The following PPP2R5E variants were observed in gnomAD, a reference collection of about 807,000 sequenced individuals.
PPP2R5E encodes the protein protein phosphatase 2 regulatory subunit B'epsilon.
Under a neutral mutation model 65.3 loss-of-function variants are expected in PPP2R5E, and 4 were observed. The ratio of observed to expected loss-of-function variants is 0.06; its 90% CI spans 0.03 to 0.14. The LOEUF (loss-of-function observed/expected upper bound fraction) is 0.14, where lower values mean the gene tolerates loss of function less well. Among genes scored for constraint, PPP2R5E ranks in the 10% least tolerant of loss-of-function variants. The pLI, the probability that PPP2R5E is intolerant of heterozygous loss-of-function variation, is 1.00. For synonymous variants in PPP2R5E, 183 were observed against 187.4 expected (o/e 0.98, Z 0.19); for missense variants, 274 against 556.1 (o/e 0.49, Z 5.10).
chr14:63,514,834 T>C (rs948515295), intron 2 of PPP2R5E, among the ~76,000 whole-genome samples: 1 of 152,184 alleles, frequency 6.6e-6, no homozygotes, highest in African/African-American at 2.4e-5. Context: ...ATTTCACATA[T>C]ATCACCTCTA....
intron 3 of PPP2R5E, among the ~76,000 whole-genome samples, chr14:63,435,158 T>C (rs1242950985): frequency 6.6e-6 from 1 of 152,226 alleles, no homozygotes; most frequent in Admixed American, 6.5e-5. Flanking sequence ...GGGTGATGAC[T>C]ATACAAGTAT....
At chr14:63,468,999 T>C (rs139924655) in intron 2 of PPP2R5E, among the ~76,000 whole-genome samples, 1 of 152,348 alleles carries the variant, frequency 6.6e-6, no homozygotes, top group East Asian at 1.9e-4. Context: ...TCAGACTAAG[T>C]CTGGAAGGGA....
rs1188317682 is a variant in PPP2R5E, at chr14:63,373,830, A to G, written c.*2179T>C. 2.1e-4 allele frequency: 32 copies of G among 152,184 alleles called. No homozygotes were observed. Among genetic ancestry groups the G allele is most frequent in the Non-Finnish European group, 4.4e-5 (3 of 68,008 alleles). The allele number at this position is 152,184 out of a possible 1,614,324, so 9.4% of individuals were successfully genotyped here. On this transcript the variant is annotated 3_prime_UTR_variant, in exon 14 of 14. Transcript: ENST00000337537. ...AATGGCAAACAAAAGTTTACACTATATAAACTAAATATAATGCAGAGTTGA... is the reference window on the plus strand; with the variant it reads ...AATGGCAAACAAAAGTTTACACTATGTAAACTAAATATAATGCAGAGTTGA...
rs1342679678 is a variant in PPP2R5E, at chr14:63,453,796, G to C, written c.247C>G (p.Leu83Val). 1.2e-6 allele frequency: 2 copies of C among 1,610,590 alleles called. No individual in the cohort carries two copies. Among genetic ancestry groups the C allele is most frequent in the Non-Finnish European group, 1.7e-6 (2 of 1,178,770 alleles). Residue 83 changes from leucine to valine, a missense_variant, in exon 3 of 14, where the codon CTT (leucine) becomes GTT (valine). Coordinates refer to ENST00000337537, the MANE Select transcript of PPP2R5E (RefSeq NM_006246.5). ...GAGCGCTTGTATTCTTTCATTTTAAGATCAGATAGCGTGTCCATGAAGTCA... is the reference window on the plus strand; with the variant it reads ...GAGCGCTTGTATTCTTTCATTTTAACATCAGATAGCGTGTCCATGAAGTCA... ...IFDFMDTLSD[L>V]KMKEYKRSTL...
intron 12 of PPP2R5E, among the ~76,000 whole-genome samples, chr14:63,383,795 G>A (rs1223757678): frequency 6.6e-6 from 1 of 152,116 alleles, no homozygotes; most frequent in African/African-American, 2.4e-5. Flanking sequence ...TTCCCTTGAT[G>A]ATTTTAAACT....
In PPP2R5E at chr14:63,472,997, G is replaced by A. The variant is rs117779366; in HGVS notation, c.158-19112C>T. On this transcript the variant is annotated intron_variant, in intron 2 of 13. Coordinates refer to ENST00000337537, the MANE Select transcript of PPP2R5E (RefSeq NM_006246.5). ...TATGAAGAGTTATGAGGGCTTATAC[G>A]AAGTTGATGGCCGTGGAAGAATAGA... Among the ~76,000 whole-genome samples, 6 of 152,344 alleles carry A rather than the reference G, an allele frequency of 3.9e-5. No homozygotes were observed. In the East Asian group the frequency reaches 9.6e-4, roughly 24 times the overall value.
intron 10 of PPP2R5E, among the ~76,000 whole-genome samples, chr14:63,391,264 C>T (rs888582430): frequency 6.6e-6 from 1 of 152,174 alleles, no homozygotes; most frequent in African/African-American, 2.4e-5. Context: ...GAGTTCTGGC[C>T]TAATCATCTG....
chr14:63,435,987 T>G (rs1316291989), intron 3 of PPP2R5E, among the ~76,000 whole-genome samples: 1 of 152,190 alleles, frequency 6.6e-6, no homozygotes, highest in Non-Finnish European at 1.5e-5. Flanking sequence ...AACATTGCAA[T>G]AGTCATAGTG....
chr14:63,450,123 G>A (rs551245079), intron 3 of PPP2R5E, among the ~76,000 whole-genome samples: 8 of 152,156 alleles, frequency 5.3e-5, no homozygotes, highest in Admixed American at 1.3e-4. Context: ...TGATCCACGC[G>A]CCTCAGCCTC....
chr14:63,491,676 C>A (rs1475669661), intron 2 of PPP2R5E, among the ~76,000 whole-genome samples: 1 of 151,982 alleles, frequency 6.6e-6, no homozygotes, highest in Non-Finnish European at 1.5e-5. Context: ...GGGAAAACCC[C>A]GTCTCTGCTA....
At chr14:63,396,159 CAG>C (rs955456570) in intron 6 of PPP2R5E, among the ~76,000 whole-genome samples, 3 of 52,370 alleles carry the variant, frequency 5.7e-5, no homozygotes, top group Admixed American at 2.4e-4. Context: ...AGGAGGAGGA[CAG>C]GGGATAGAGG....
At chr14:63,530,169 C>G (rs1366654914) in intron 2 of PPP2R5E, among the ~76,000 whole-genome samples, 1 of 151,548 alleles carries the variant, frequency 6.6e-6, no homozygotes, top group Non-Finnish European at 1.5e-5. Flanking sequence ...TGAAGCCCAT[C>G]CAGATATACA....
intron 2 of PPP2R5E, among the ~76,000 whole-genome samples, chr14:63,522,660 T>G (rs1449056375): frequency 8.8e-6 from 1 of 113,400 alleles, no homozygotes; most frequent in Non-Finnish European, 1.8e-5. Context: ...GAGAGGAGCG[T>G]CTCTGCCCGG....
chr14:63,470,421 T>C (rs759483208), intron 2 of PPP2R5E, among the ~76,000 whole-genome samples: 6 of 151,218 alleles, frequency 4.0e-5, no homozygotes, highest in Non-Finnish European at 8.8e-5. Flanking sequence ...GCACACAGTA[T>C]TCCACAATCA....
At chr14:63,457,459 T>C (rs1889182855) in intron 2 of PPP2R5E, among the ~76,000 whole-genome samples, 1 of 152,018 alleles carries the variant, frequency 6.6e-6, no homozygotes, top group African/African-American at 2.4e-5. Flanking sequence ...GCTACCCACC[T>C]CCAAAATCCA....
intron 2 of PPP2R5E, chr14:63,479,343 C>T (rs940090037): frequency 6.6e-6 from 1 of 152,126 alleles, no homozygotes; most frequent in African/African-American, 2.4e-5. Context: ...TGGAGGCAGA[C>T]ATCACCCCTC....
chr14:63,476,232 C>A (rs1279177024), intron 2 of PPP2R5E, among the ~76,000 whole-genome samples: 1 of 152,072 alleles, frequency 6.6e-6, no homozygotes, highest in Non-Finnish European at 1.5e-5. Flanking sequence ...TGTATTATTT[C>A]TTCTTCTTTT....
chr14:63,538,533 G>A (rs1437219648), intron 2 of PPP2R5E, among the ~76,000 whole-genome samples: 3 of 151,562 alleles, frequency 2.0e-5, no homozygotes, highest in South Asian at 2.1e-4. Flanking sequence ...GATTACAGGC[G>A]TGAGCCACCA....
chr14:63,376,919 G>A (rs947880500), intron 13 of PPP2R5E, among the ~76,000 whole-genome samples: 1 of 152,066 alleles, frequency 6.6e-6, no homozygotes, highest in East Asian at 1.9e-4. Flanking sequence ...TGTAATCCTA[G>A]CACTTTGGGA....
Sources: gnomAD v4.1 joint callset for allele counts (sites outside exome capture counted in the v4.1 genomes callset) on GRCh38, gnomAD v4.1.1 for gene constraint, MANE v1.5 for transcripts, NCBI Gene and HGNC (gene_info 2026-07-23, HGNC 2026-07-21) for gene names.